Variants in BCO1 observed in about 807,000 individuals in gnomAD.
The protein encoded by BCO1 is beta-carotene oxygenase 1.
In BCO1, 54 loss-of-function variants were observed where a neutral mutation model predicts 56.3. The observed-to-expected ratio is 0.96, with a 90% CI of 0.77 to 1.20. The LOEUF is 1.20. Among genes scored for constraint, BCO1 ranks in the 50% most tolerant of loss-of-function variants. The probability of loss-of-function intolerance (pLI) is 0.00; values close to 1 mark genes in which losing one functional copy is unlikely to be tolerated. For synonymous variants in BCO1, 318 were observed against 266.1 expected, an observed-to-expected ratio of 1.20 and a Z score of -1.90; for missense variants, 801 against 690.9, an observed-to-expected ratio of 1.16 and a Z score of -1.79.
chr16:81,262,033 G>A (rs1271718890), intron 3 of BCO1, 103 bp from the exon 4 acceptor site: 6 of 1,430,320 alleles, frequency 4.2e-6, no homozygotes, highest in Non-Finnish European at 5.8e-6. Flanking sequence ...CCCGGCCGAA[G>A]TAAAGCATTT....
At chr16:81,250,700 C>T (rs1905740887) in intron 2 of BCO1, among the ~76,000 whole-genome samples, 1 of 150,802 alleles carries the variant, frequency 6.6e-6, no homozygotes, top group Non-Finnish European at 1.5e-5. Flanking sequence ...CGTGCCTCGG[C>T]CTCTGGAGTA....
At chr16:81,268,897 C>A (rs932398917) in intron 6 of BCO1, among the ~76,000 whole-genome samples, 4 of 151,814 alleles carry the variant, frequency 2.6e-5, no homozygotes, top group African/African-American at 9.7e-5. Context: ...TCCCAAGTAG[C>A]TGGAACCAGA....
chr16:81,257,729 A>T (rs1906232572), intron 2 of BCO1, among the ~76,000 whole-genome samples: 1 of 151,728 alleles, frequency 6.6e-6, no homozygotes, highest in Admixed American at 6.6e-5. Context: ...TATTTTAAAA[A>T]TTAGCTGGGC....
chr16:81,279,936 C>A (rs1907768576), intron 7 of BCO1, among the ~76,000 whole-genome samples: 1 of 152,124 alleles, frequency 6.6e-6, no homozygotes, highest in African/African-American at 2.4e-5. Flanking sequence ...TTAAAGTCCC[C>A]CCAATCCCAT....
At chr16:81,268,700 C>T (rs1001600892) in intron 6 of BCO1, among the ~76,000 whole-genome samples, 1 of 152,122 alleles carries the variant, frequency 6.6e-6, no homozygotes, top group African/African-American at 2.4e-5. Context: ...CATGTATGTG[C>T]ATATGTGTAT....
chr16:81,269,659 G>T (rs181482701), intron 6 of BCO1, among the ~76,000 whole-genome samples: 3 of 152,218 alleles, frequency 2.0e-5, no homozygotes, highest in African/African-American at 7.2e-5. Context: ...AGTAGAGATG[G>T]GGTTTTGCCA....
At chr16:81,286,700 A>G (rs1908199849) in intron 9 of BCO1, among the ~76,000 whole-genome samples, 1 of 152,120 alleles carries the variant, frequency 6.6e-6, no homozygotes, top group Non-Finnish European at 1.5e-5. Context: ...AAAAAATAAT[A>G]ATAAATTTTA....
chr16:81,261,091 A>C (rs1399783627), intron 3 of BCO1, among the ~76,000 whole-genome samples: 1 of 152,186 alleles, frequency 6.6e-6, no homozygotes, highest in Non-Finnish European at 1.5e-5. Flanking sequence ...GGAGGTGTGG[A>C]GTAGGAGCCA....
intron 9 of BCO1, 151 bp downstream of exon 9, chr16:81,285,785 C>G: frequency 1.4e-6 from 1 of 705,966 alleles, no homozygotes. Flanking sequence ...GGATGTTCAG[C>G]TGGGAGAGGG....
intron 2 of BCO1, among the ~76,000 whole-genome samples, chr16:81,250,079 T>A (rs2151929435): frequency 6.6e-6 from 1 of 152,286 alleles, no homozygotes; most frequent in East Asian, 1.9e-4. Flanking sequence ...CTGCCCCAAG[T>A]GTTTCATGTC....
chr16:81,245,314 C>T (rs1385337391), intron 1 of BCO1, among the ~76,000 whole-genome samples, 161 bp from the exon 2 acceptor site: 1 of 152,140 alleles, frequency 6.6e-6, no homozygotes, highest in Non-Finnish European at 1.5e-5. Context: ...AGCCAACTGC[C>T]CAACACATTA....
intron 1 of BCO1, among the ~76,000 whole-genome samples, chr16:81,241,081 G>A (rs544724677): frequency 3.3e-5 from 5 of 152,094 alleles, no homozygotes; most frequent in East Asian, 1.9e-4. Context: ...TGATCCGCCC[G>A]TGTTGGCCTC....
intron 7 of BCO1, among the ~76,000 whole-genome samples, chr16:81,278,293 C>T (rs752022557): frequency 2.0e-5 from 3 of 152,114 alleles, no homozygotes; most frequent in East Asian, 1.9e-4. Context: ...CCACCCACCT[C>T]GGCCTCCCAA....
In BCO1 at chr16:81,248,405, C is replaced by CAAAAAAAAAAA. The variant is rs372084002; in HGVS notation, c.193+2813_193+2823dup. 8.9e-4 allele frequency among the ~76,000 whole-genome samples: 91 copies of CAAAAAAAAAAA among 102,768 alleles called. 1 individual carries two copies. The highest frequency in any genetic ancestry group is 3.5e-3 in the African/African-American group (83 of 23,654). The allele number at this position is 102,768 out of a possible 152,430, so 67.4% of individuals were successfully genotyped here. ...GCAACAAGAGCGAGGCTCCCTCTCA[C>CAAAAAAAAAAA]AAAAAAAAAAAAAAAAAAAAATTAT... On this transcript the variant is annotated intron_variant, in intron 2 of 10. Transcript: ENST00000258168.
At position 81,252,396 on chromosome 16, in the gene BCO1, C is replaced by G. The variant is rs117566372; in HGVS notation, c.193+6793C>G. ...TCAGCCTCCCGAGTGGCTGGGATTA[C>G]AGACACCCGGCACCATGCCCAGCTA... On this transcript the variant is annotated intron_variant, in intron 2 of 10. Coordinates refer to ENST00000258168, the MANE Select transcript of BCO1 (RefSeq NM_017429.3). Among the ~76,000 whole-genome samples the G allele has an allele frequency of 1.6e-3, 247 of 152,180 alleles. 3 individuals are homozygous for G. In the East Asian group the frequency reaches 0.042, roughly 26 times the overall value.
intron 7 of BCO1, among the ~76,000 whole-genome samples, chr16:81,275,933 G>T (rs1040750128): frequency 4.6e-5 from 7 of 152,168 alleles, no homozygotes; most frequent in African/African-American, 1.7e-4. Context: ...GGCTGGGAGG[G>T]GTGTGGGCAG....
At chr16:81,286,100 C>T (rs1173535470) in intron 9 of BCO1, among the ~76,000 whole-genome samples, 1 of 151,908 alleles carries the variant, frequency 6.6e-6, no homozygotes, top group African/African-American at 2.4e-5. Context: ...GTTGTCCATG[C>T]CTGTCTTGAA....
At chr16:81,277,641 G>A (rs1423282636) in intron 7 of BCO1, among the ~76,000 whole-genome samples, 3 of 152,168 alleles carry the variant, frequency 2.0e-5, no homozygotes, top group Non-Finnish European at 2.9e-5. Context: ...AAACCACAGC[G>A]TTGAATTTCA....
intron 10 of BCO1, among the ~76,000 whole-genome samples, chr16:81,288,872 A>C (rs899051796): frequency 2.6e-5 from 4 of 152,172 alleles, no homozygotes; most frequent in African/African-American, 9.7e-5. Context: ...GTCACAAGGG[A>C]GTGGTTTTCC....
Sources: gnomAD v4.1 joint callset for allele counts (sites outside exome capture counted in the v4.1 genomes callset) on GRCh38, gnomAD v4.1.1 for gene constraint, MANE v1.5 for transcripts, NCBI Gene and HGNC (gene_info 2026-07-23, HGNC 2026-07-21) for gene names.